The following FAHD2A variants were observed in gnomAD, a reference collection of about 807,000 sequenced individuals.
FAHD2A encodes the protein fumarylacetoacetate hydrolase domain containing 2A.
Under a neutral mutation model 33.4 loss-of-function variants are expected in FAHD2A, and 27 were observed. The observed-to-expected ratio is 0.81, with a 90% CI of 0.60 to 1.11. The LOEUF (loss-of-function observed/expected upper bound fraction) is 1.11, where lower values mean the gene tolerates loss of function less well. FAHD2A is among the 50% of genes most tolerant of loss of function. FAHD2A has a pLI of 0.00. For missense variants in FAHD2A, 296 were observed against 395.0 expected (o/e 0.75, Z 2.12); for synonymous variants, 130 against 153.3 (o/e 0.85, Z 1.12).
rs1486124328 is a variant in FAHD2A, at chr2:95,415,933, A to G, written c.*2976A>G. On this transcript the variant is annotated 3_prime_UTR_variant, in exon 8 of 8. Coordinates refer to ENST00000233379, the MANE Select transcript of FAHD2A (RefSeq NM_016044.3). ...GTGCCGACCTGTTAAGGCCGTCGAGAGCATCAAATGCTACTGTTCAGCAGG... is the reference window on the plus strand; with the variant it reads ...GTGCCGACCTGTTAAGGCCGTCGAGGGCATCAAATGCTACTGTTCAGCAGG... 6.6e-6 allele frequency: 1 copy of G among 152,210 alleles called. No individual in the cohort carries two copies. Among genetic ancestry groups the G allele is most frequent in the African/African-American group, 2.4e-5 (1 of 41,446 alleles). 9.4% of individuals were successfully genotyped at this position (152,210 alleles called of 1,614,324 possible).
intron 3 of FAHD2A, among the ~76,000 whole-genome samples, chr2:95,408,035 A>T (rs77707325): frequency 1.7e-3 from 165 of 94,648 alleles, no homozygotes; most frequent in Middle Eastern, 0.013. Context: ...GCAAACACAC[A>T]TTTTTTTTTT....
Position 95,405,743 on chromosome 2 carries a change from T to C in FAHD2A, c.185T>C (p.Leu62Pro), listed in dbSNP as rs1239035580. ...AACCTCAATGCCTTTGACCCCACAC[T>C]CCCGAAGACGATGACGCAGTTCCTA... ...VINLNAFDPT[L>P]PKTMTQFLEQ... is the part of the protein sequence containing the mutation. Residue 62 changes from leucine to proline, a missense_variant, in exon 2 of 8, where the codon CTC becomes CCC. Leu to Pro is a moderately conservative substitution (Grantham distance 98). Transcript: ENST00000233379. 1 of 1,613,740 alleles carries C rather than the reference T, an allele frequency of 6.2e-7. No homozygotes were observed. Among genetic ancestry groups the C allele is most frequent in the East Asian group, 2.2e-5 (1 of 44,842 alleles).
chr2:95,408,768 A>G (rs1682026545), intron 3 of FAHD2A, among the ~76,000 whole-genome samples: 1 of 152,226 alleles, frequency 6.6e-6, no homozygotes, highest in Non-Finnish European at 1.5e-5. Flanking sequence ...AACCATATCA[A>G]GGGCCAATTA....
rs112033620 is a variant in FAHD2A, at chr2:95,410,613, T to G, written c.522+27T>G. 1.1e-3 allele frequency: 1,751 copies of G among 1,612,176 alleles called. 14 individuals carry two copies. In the African/African-American group the frequency reaches 0.017, roughly 16 times the overall value. On this transcript the variant is annotated intron_variant, in intron 4 of 7. Coordinates refer to ENST00000233379, the MANE Select transcript of FAHD2A (RefSeq NM_016044.3). ...TGAGGTGGAAAGGGTGGGCTCCCAG[T>G]CCAGAGTGCAGCAGAGGCCCCAGCT...
Position 95,414,560 on chromosome 2 carries a change from G to A in FAHD2A, c.*1603G>A, listed in dbSNP as rs576387391. On this transcript the variant is annotated 3_prime_UTR_variant, in exon 8 of 8. Coordinates refer to ENST00000233379, the MANE Select transcript of FAHD2A (RefSeq NM_016044.3). ...TCCTGCCTCACTGGACAGCCTCTCCGCGGCCTTCCTCCTCCCTGCTCCAGA... is the reference window on the plus strand; with the variant it reads ...TCCTGCCTCACTGGACAGCCTCTCCACGGCCTTCCTCCTCCCTGCTCCAGA... 4.5e-5 allele frequency: 13 copies of A among 290,572 alleles called. No individual in the cohort carries two copies. Among genetic ancestry groups the A allele is most frequent in the African/African-American group, 1.4e-4 (6 of 44,344 alleles). The allele number at this position is 290,572 out of a possible 1,614,324, so 18.0% of individuals were successfully genotyped here. A position where few individuals can be genotyped will look rare whatever the true frequency, so the allele number is the denominator to read the frequency against.
At position 95,405,892 on chromosome 2, in the gene FAHD2A, C is replaced by G. The variant is rs2104347761; in HGVS notation, c.245+89C>G. The G allele has an allele frequency of 7.8e-6, 11 of 1,417,674 alleles. No homozygotes were observed. The South Asian group carries it at 1.2e-4, about 15-fold the overall frequency. 87.8% of individuals were successfully genotyped at this position (1,417,674 alleles called of 1,614,324 possible). On this transcript the variant is annotated intron_variant, in intron 2 of 7. Coordinates refer to ENST00000233379, the MANE Select transcript of FAHD2A (RefSeq NM_016044.3). ...TGGGAAACAGCACCAGCAGGTAGCTCTTTTGCAAGGGAGCAGAGTAACCCC... is the reference window on the plus strand; with the variant it reads ...TGGGAAACAGCACCAGCAGGTAGCTGTTTTGCAAGGGAGCAGAGTAACCCC...
Position 95,416,374 on chromosome 2 carries a change from G to C in FAHD2A, c.*3417G>C, listed in dbSNP as rs1304734290. ...TCCGACTGATGAGACCTAGATATTGGGTACATGGAGGTCCCCGGTCCCTTT... is the reference window on the plus strand; with the variant it reads ...TCCGACTGATGAGACCTAGATATTGCGTACATGGAGGTCCCCGGTCCCTTT... On this transcript the variant is annotated 3_prime_UTR_variant, in exon 8 of 8. Transcript: ENST00000233379. 6.6e-6 allele frequency: 1 copy of C among 152,148 alleles called. No individual in the cohort carries two copies. The highest frequency in any genetic ancestry group is 1.5e-5 in the Non-Finnish European group (1 of 68,060). The allele number at this position is 152,148 out of a possible 1,614,324, so 9.4% of individuals were successfully genotyped here.
chr2:95,403,297 A>C (rs1361408853), intron 1 of FAHD2A, among the ~76,000 whole-genome samples: 2 of 152,158 alleles, frequency 1.3e-5, no homozygotes, highest in African/African-American at 4.8e-5. Context: ...CCTCTTCTTT[A>C]AAGTGAGGGC....
intron 1 of FAHD2A, among the ~76,000 whole-genome samples, chr2:95,404,095 G>A (rs531943365): frequency 6.6e-6 from 1 of 152,338 alleles, no homozygotes; most frequent in Admixed American, 6.5e-5. Flanking sequence ...AGGACCAAGA[G>A]TCTGGGGATC....
At position 95,414,336 on chromosome 2, in the gene FAHD2A, C is replaced by G. The variant is rs1682947199; in HGVS notation, c.*1379C>G. ...AAAAAGAAGACATCAAAAAGAAAAT[C>G]TAGTGCTGGGTGGATATAGAGTATG... On this transcript the variant is annotated 3_prime_UTR_variant, in exon 8 of 8. Transcript: ENST00000233379. 6.0e-6 allele frequency: 5 copies of G among 833,238 alleles called. No individual in the cohort carries two copies. Among genetic ancestry groups the G allele is most frequent in the Non-Finnish European group, 1.0e-5 (5 of 487,850 alleles). 51.6% of individuals were successfully genotyped at this position (833,238 alleles called of 1,614,324 possible). A position where few individuals can be genotyped will look rare whatever the true frequency, so the allele number is the denominator to read the frequency against.
intron 5 of FAHD2A, 119 bp from the exon 6 acceptor site, chr2:95,412,315 G>A (rs774101686): frequency 2.1e-5 from 24 of 1,167,524 alleles, no homozygotes; most frequent in Non-Finnish European, 2.6e-5. Flanking sequence ...GTCAATGTGG[G>A]CACTTTGAAG....
In FAHD2A at chr2:95,413,293, A is replaced by C. The variant is rs1682829075; in HGVS notation, c.*336A>C. 1 of 1,414,546 alleles carries C rather than the reference A, an allele frequency of 7.1e-7. No homozygotes were observed. The highest frequency in any genetic ancestry group is 1.4e-5 in the African/African-American group (1 of 69,082). 87.6% of individuals were successfully genotyped at this position (1,414,546 alleles called of 1,614,324 possible). A position where few individuals can be genotyped will look rare whatever the true frequency, so the allele number is the denominator to read the frequency against. Reference sequence around the variant, plus strand: ...TTCGTGTCGTCCCCTTGTTTATCACATCAAAGAAGGGAAAAAGCAAGAGAT... The same window carrying C: ...TTCGTGTCGTCCCCTTGTTTATCACCTCAAAGAAGGGAAAAAGCAAGAGAT... On this transcript the variant is annotated 3_prime_UTR_variant, in exon 8 of 8. Coordinates refer to ENST00000233379, the MANE Select transcript of FAHD2A (RefSeq NM_016044.3).
intron 1 of FAHD2A, among the ~76,000 whole-genome samples, chr2:95,403,876 A>G (rs1182119252): frequency 6.6e-6 from 1 of 152,260 alleles, no homozygotes; most frequent in African/African-American, 2.4e-5. Context: ...CAGCGGCAGC[A>G]GTTACTGTTA....
intron 2 of FAHD2A, among the ~76,000 whole-genome samples, 160 bp downstream of exon 2, chr2:95,405,963 A>G (rs1270583585): frequency 1.3e-5 from 2 of 151,906 alleles, no homozygotes; most frequent in South Asian, 2.1e-4. Flanking sequence ...TAGAAATCTT[A>G]CATAATAACA....
rs202079551 is a variant in FAHD2A at position 95,405,712 on chromosome 2, G to T, written c.154G>T (p.Val52Phe). ...LGLETGNGGG[V>F]INLNAFDPTL... is the part of the protein sequence containing the mutation. ...CCTGGAGACAGGGAATGGTGGAGGG[G>T]TTATCAACCTCAATGCCTTTGACCC... is the stretch of plus-strand genomic sequence containing the variant. Residue 52 changes from valine (V) to phenylalanine (F), a missense_variant, in exon 2 of 8, where the codon GTT (valine) becomes TTT (phenylalanine). Physicochemically the swap from Val to Phe is conservative, Grantham distance 50 (BLOSUM62 -1). Transcript: ENST00000233379. 1.9e-6 allele frequency: 3 copies of T among 1,614,072 alleles called. No individual in the cohort carries two copies. The highest frequency in any genetic ancestry group is 1.7e-5 in the Admixed American group (1 of 60,000).
chr2:95,409,853 A>G (rs1682189214), intron 3 of FAHD2A, among the ~76,000 whole-genome samples: 2 of 152,106 alleles, frequency 1.3e-5, no homozygotes, highest in South Asian at 2.1e-4. Flanking sequence ...AAGATGTTCT[A>G]GGCTTATCAT....
chr2:95,404,558 T>C (rs1187750440), intron 1 of FAHD2A, among the ~76,000 whole-genome samples: 6 of 152,050 alleles, frequency 3.9e-5, no homozygotes, highest in African/African-American at 1.4e-4. Context: ...GCCTCCCAAA[T>C]TGTTAGGGAT....
chr2:95,413,086 A>T lies in FAHD2A; in HGVS notation c.*129A>T. On this transcript the variant is annotated 3_prime_UTR_variant, in exon 8 of 8. Coordinates refer to ENST00000233379, the MANE Select transcript of FAHD2A (RefSeq NM_016044.3). ...AAGCCGCCTCTTCTCGGTAGAAGGG[A>T]GAAGGACAGAGCTCTCTTCAATAAA... 7.9e-7 allele frequency: 1 copy of T among 1,261,400 alleles called. No individual in the cohort carries two copies. Among genetic ancestry groups the T allele is most frequent in the Non-Finnish European group, 1.1e-6 (1 of 907,274 alleles). 78.1% of individuals were successfully genotyped at this position (1,261,400 alleles called of 1,614,324 possible). A position where few individuals can be genotyped will look rare whatever the true frequency, so the allele number is the denominator to read the frequency against.
At chr2:95,417,399 A>G (rs550660630), downstream of FAHD2A, among the ~76,000 whole-genome samples, 21 of 152,150 alleles carry the variant, frequency 1.4e-4, no homozygotes, top group South Asian at 4.0e-3. Flanking sequence ...CAGCCAGGCA[A>G]ATTCCACCAT....
Sources: gnomAD v4.1 joint callset for allele counts (sites outside exome capture counted in the v4.1 genomes callset) on GRCh38, gnomAD v4.1.1 for gene constraint, MANE v1.5 for transcripts, NCBI Gene and HGNC (gene_info 2026-07-23, HGNC 2026-07-21) for gene names.